Variants in MOB3B observed in about 807,000 individuals in gnomAD.
MOB3B encodes MOB kinase activator-like 2B.
Under a neutral mutation model 18.7 loss-of-function variants are expected in MOB3B, and 7 were observed. The ratio of observed to expected loss-of-function variants is 0.37; its 90% CI spans 0.21 to 0.70. The LOEUF (loss-of-function observed/expected upper bound fraction) is 0.70. MOB3B is among the 30% of genes least tolerant of loss of function. The probability of loss-of-function intolerance (pLI) is 0.52; values close to 1 mark genes in which losing one functional copy is unlikely to be tolerated. For missense variants in MOB3B, 253 were observed against 281.3 expected, an observed-to-expected ratio of 0.90 and a Z score of 0.72; for synonymous variants, 111 against 99.9, an observed-to-expected ratio of 1.11 and a Z score of -0.66.
At chr9:27,485,788 G>A (rs559409073) in intron 1 of MOB3B, among the ~76,000 whole-genome samples, 18 of 152,066 alleles carry the variant, frequency 1.2e-4, no homozygotes, top group Non-Finnish European at 2.4e-4. Flanking sequence ...TATTCCTTTT[G>A]TAATAGGAAA....
intron 2 of MOB3B, among the ~76,000 whole-genome samples, chr9:27,409,162 A>G (rs565768915): frequency 1.3e-5 from 2 of 152,312 alleles, no homozygotes; most frequent in African/African-American, 4.8e-5. Context: ...CATTCAACAG[A>G]TATTATTCAT....
chr9:27,372,689 A>G (rs1356609837), intron 2 of MOB3B, among the ~76,000 whole-genome samples: 1 of 152,238 alleles, frequency 6.6e-6, no homozygotes, highest in East Asian at 1.9e-4. Flanking sequence ...ACACTGAAGA[A>G]TGTTCTACAA....
At chr9:27,457,002 A>T (rs1587229482) in intron 1 of MOB3B, among the ~76,000 whole-genome samples, 1 of 152,334 alleles carries the variant, frequency 6.6e-6, no homozygotes, top group Middle Eastern at 3.4e-3. Flanking sequence ...TAATAGGTCT[A>T]ATAGATTTAT....
chr9:27,498,919 C>T (rs1819944266), intron 1 of MOB3B, among the ~76,000 whole-genome samples: 1 of 152,078 alleles, frequency 6.6e-6, no homozygotes, highest in Non-Finnish European at 1.5e-5. Flanking sequence ...TCTCTGTGGG[C>T]CAAAATAGGC....
At chr9:27,379,646 A>G (rs1445942979) in intron 2 of MOB3B, among the ~76,000 whole-genome samples, 10 of 152,178 alleles carry the variant, frequency 6.6e-5, no homozygotes, top group Admixed American at 6.5e-4. Context: ...GACCTGGTCC[A>G]AAGCCATTCA....
intron 2 of MOB3B, among the ~76,000 whole-genome samples, chr9:27,427,685 G>A (rs1203052417): frequency 6.6e-6 from 1 of 151,856 alleles, no homozygotes; most frequent in African/African-American, 2.4e-5. Flanking sequence ...CATATTTTTT[G>A]CCTTGTCTTT....
At chr9:27,441,623 C>T (rs1274852096) in intron 2 of MOB3B, among the ~76,000 whole-genome samples, 1 of 152,106 alleles carries the variant, frequency 6.6e-6, no homozygotes, top group Admixed American at 6.6e-5. Flanking sequence ...GAACAGTGTG[C>T]AATTTAAAAC....
intron 1 of MOB3B, among the ~76,000 whole-genome samples, chr9:27,515,601 T>C (rs1325856775): frequency 6.6e-6 from 1 of 152,168 alleles, no homozygotes; most frequent in Non-Finnish European, 1.5e-5. Context: ...GCTATACAGA[T>C]TGTTACCAAA....
At chr9:27,335,890 G>A (rs1820856451) in intron 3 of MOB3B, among the ~76,000 whole-genome samples, 1 of 152,148 alleles carries the variant, frequency 6.6e-6, no homozygotes, top group African/African-American at 2.4e-5. Context: ...GGCTGCTCTT[G>A]AAGAGAGAAA....
chr9:27,429,882 G>C (rs948353713), intron 2 of MOB3B, among the ~76,000 whole-genome samples: 6 of 152,174 alleles, frequency 3.9e-5, no homozygotes, highest in African/African-American at 1.4e-4. Flanking sequence ...CTGAAACTAG[G>C]TATCAGAGAG....
At chr9:27,365,280 A>G (rs1422981742) in intron 2 of MOB3B, among the ~76,000 whole-genome samples, 2 of 151,806 alleles carry the variant, frequency 1.3e-5, no homozygotes, top group Admixed American at 6.6e-5. Flanking sequence ...AAACTTTGCA[A>G]TGAGGAACAC....
chr9:27,519,955 C>T (rs1017796147), intron 1 of MOB3B, among the ~76,000 whole-genome samples: 13 of 151,996 alleles, frequency 8.6e-5, no homozygotes, highest in African/African-American at 3.1e-4. Context: ...CCTCTGCATG[C>T]CCCATGGGAA....
At chr9:27,428,828 T>G (rs573934938) in intron 2 of MOB3B, among the ~76,000 whole-genome samples, 2 of 152,180 alleles carry the variant, frequency 1.3e-5, no homozygotes, top group Non-Finnish European at 2.9e-5. Flanking sequence ...GATAAGGGAC[T>G]GGGTGGGTTG....
intron 2 of MOB3B, among the ~76,000 whole-genome samples, chr9:27,442,624 C>A (rs1486218232): frequency 2.0e-5 from 3 of 152,168 alleles, no homozygotes; most frequent in African/African-American, 7.2e-5. Flanking sequence ...CTCCAAGGGA[C>A]CTCCCCTCTT....
intron 2 of MOB3B, among the ~76,000 whole-genome samples, chr9:27,411,749 T>TG (rs1822070086): frequency 6.6e-6 from 1 of 152,196 alleles, no homozygotes; most frequent in African/African-American, 2.4e-5. Context: ...GATACCGTTT[T>TG]GGGGGATATA....
chr9:27,473,657 T>C (rs1476808051), intron 1 of MOB3B, among the ~76,000 whole-genome samples: 2 of 152,108 alleles, frequency 1.3e-5, no homozygotes, highest in African/African-American at 2.4e-5. Flanking sequence ...ATGTTGGTGA[T>C]GGACCCCATC....
In MOB3B at chr9:27,399,815, C is replaced by T. The variant is rs140250372; in HGVS notation, c.419-40579G>A. Among the ~76,000 whole-genome samples the T allele has an allele frequency of 3.3e-5, 5 of 152,274 alleles. No individual in the cohort carries two copies. In the South Asian group the frequency reaches 8.3e-4, roughly 25 times the overall value. ...AATTTAATATGTCCCCAAATGAGAT[C>T]GTATCTTCCTACACGTGCCTAATCC... On this transcript the variant is annotated intron_variant, in intron 2 of 3. Transcript: ENST00000262244.
intron 3 of MOB3B, among the ~76,000 whole-genome samples, chr9:27,339,127 C>T (rs1451397072): frequency 1.3e-5 from 2 of 152,228 alleles, no homozygotes; most frequent in Non-Finnish European, 2.9e-5. Context: ...CGTTCTTGCC[C>T]TCAAGGCCTT....
intron 2 of MOB3B, among the ~76,000 whole-genome samples, chr9:27,392,811 T>A (rs183049983): frequency 6.6e-6 from 1 of 152,340 alleles, no homozygotes; most frequent in Admixed American, 6.5e-5. Flanking sequence ...CTTGGTTTCC[T>A]TATCTATAAA....
Sources: gnomAD v4.1 joint callset for allele counts (sites outside exome capture counted in the v4.1 genomes callset) on GRCh38, gnomAD v4.1.1 for gene constraint, MANE v1.5 for transcripts, NCBI Gene and HGNC (gene_info 2026-07-23, HGNC 2026-07-21) for gene names.